DSG1: variants seen among roughly 807,000 people sequenced by gnomAD.
DSG1 encodes the protein desmoglein-1.
A neutral mutation model predicts 97.5 loss-of-function variants in DSG1; 39 were observed. That is an observed-to-expected ratio of 0.40 (90% CI 0.31 to 0.52). The LOEUF (loss-of-function observed/expected upper bound fraction) is 0.52, where lower values mean the gene tolerates loss of function less well. Ranked by LOEUF, DSG1 falls within the 20% of genes least tolerant of loss-of-function variation. DSG1 has a pLI of 0.53. For synonymous variants in DSG1, 475 were observed against 443.4 expected, an observed-to-expected ratio of 1.07 and a Z score of -0.90; for missense variants, 1,311 against 1,295.4, an observed-to-expected ratio of 1.01 and a Z score of -0.18.
chr18:31,342,205 T>C (rs2144105270), intron 11 of DSG1, among the ~76,000 whole-genome samples: 1 of 152,314 alleles, frequency 6.6e-6, no homozygotes, highest in East Asian at 1.9e-4. Context: ...GTGCTGGAAT[T>C]ACAGGCGTGA....
At position 31,336,334 on chromosome 18, in the gene DSG1, T is replaced by A; in HGVS notation, c.1006-20T>A. On this transcript the variant is annotated intron_variant, in intron 8 of 14. Coordinates refer to ENST00000257192, the MANE Select transcript of DSG1 (RefSeq NM_001942.4). ...GTTTTATTTTCTTATAATGAAACTA[T>A]TTTACTCTGTATTTTCTAGCCCTTA... is the stretch of plus-strand genomic sequence containing the variant. The A allele has an allele frequency of 6.2e-7, 1 of 1,608,980 alleles. No individual in the cohort carries two copies. Among genetic ancestry groups the A allele is most frequent in the Non-Finnish European group, 8.5e-7 (1 of 1,177,084 alleles).
intron 11 of DSG1, 26 bp downstream of exon 11, chr18:31,340,051 T>C: frequency 1.2e-6 from 2 of 1,608,544 alleles, no homozygotes; most frequent in Non-Finnish European, 1.7e-6. Context: ...ATCCTATGTA[T>C]ATGTGTCCCC....
Position 31,329,892 on chromosome 18 carries a change from A to G in DSG1, c.373A>G (p.Ile125Val). Residue 125 changes from isoleucine (I) to valine (V), a missense_variant and splice_region_variant, in exon 5 of 15, where the codon ATC (isoleucine) becomes GTC (valine). This residue lies in a region of DSG1 where 259 missense variants were observed against 304.1 expected (regional missense o/e 0.85). Transcript: ENST00000257192. The stretch of plus-strand genomic sequence containing the variant: ...TAATTATTTATCTTTTCTCTCCCAG[A>G]TCTACTGCCGAGCTCTGAACTCAAT... ...VDREVTPFFI[I>V]YCRALNSMGQ... is the part of the protein sequence containing the mutation. 1 of 1,613,038 alleles carries G rather than the reference A, an allele frequency of 6.2e-7. No homozygotes were observed.
chr18:31,353,041 G>C (rs1161013435), intron 14 of DSG1, among the ~76,000 whole-genome samples: 194 of 144,294 alleles, frequency 1.3e-3, no homozygotes, highest in Admixed American at 1.8e-3. Flanking sequence ...AGGAGGAGAG[G>C]TGCTCTGCTT....
intron 14 of DSG1, among the ~76,000 whole-genome samples, 191 bp downstream of exon 14, chr18:31,346,389 C>T (rs1356787567): frequency 6.6e-6 from 1 of 152,176 alleles, no homozygotes; most frequent in Non-Finnish European, 1.5e-5. Context: ...ACTTTACTCC[C>T]CAACGTAAGA....
intron 14 of DSG1, among the ~76,000 whole-genome samples, chr18:31,348,558 T>C (rs1403989461): frequency 6.6e-6 from 1 of 150,608 alleles, no homozygotes; most frequent in Non-Finnish European, 1.5e-5. Flanking sequence ...ACTTCCACCA[T>C]GGTTGAACTA....
intron 11 of DSG1, among the ~76,000 whole-genome samples, chr18:31,341,328 C>T (rs1222150970): frequency 1.3e-5 from 2 of 152,178 alleles, no homozygotes; most frequent in Non-Finnish European, 2.9e-5. Context: ...GAAGTCAGAG[C>T]GCTTATGTAT....
chr18:31,319,702 G>A (rs2071641556), intron 1 of DSG1, among the ~76,000 whole-genome samples: 1 of 152,150 alleles, frequency 6.6e-6, no homozygotes. Flanking sequence ...TAGTTGATCA[G>A]CTTGTTCAGA....
Position 31,354,507 on chromosome 18 carries a change from C to A in DSG1, c.2311C>A (p.Leu771Ile). 2 of 1,614,184 alleles carry A rather than the reference C, an allele frequency of 1.2e-6. No individual in the cohort carries two copies. The highest frequency in any genetic ancestry group is 1.7e-6 in the Non-Finnish European group (2 of 1,180,030). Residue 771 changes from leucine (L) to isoleucine (I), a missense_variant, in exon 15 of 15, where the codon CTT (leucine) becomes ATT (isoleucine). Leu to Ile is a conservative substitution (Grantham distance 5). Coordinates refer to ENST00000257192, the MANE Select transcript of DSG1 (RefSeq NM_001942.4). ...CCTAGGAAAAGAATCATATCCAGACCTTGATCCTTCTTGGCCACCACAAAG... is the reference window on the plus strand; with the variant it reads ...CCTAGGAAAAGAATCATATCCAGACATTGATCCTTCTTGGCCACCACAAAG... ...ISLGKESYPD[L>I]DPSWPPQSTE...
chr18:31,325,446 C>T (rs905820117), intron 1 of DSG1, among the ~76,000 whole-genome samples: 3 of 152,212 alleles, frequency 2.0e-5, no homozygotes, highest in Non-Finnish European at 4.4e-5. Context: ...CCATCCCACA[C>T]TCACAAACAA....
intron 14 of DSG1, chr18:31,347,851 C>T (rs1311288935): frequency 6.6e-6 from 1 of 151,992 alleles, no homozygotes; most frequent in Admixed American, 6.5e-5. Flanking sequence ...CCTGAGTGAA[C>T]CCAACTCAAC....
intron 1 of DSG1, among the ~76,000 whole-genome samples, chr18:31,318,723 T>C (rs2071635410): frequency 2.6e-5 from 3 of 113,868 alleles, no homozygotes; most frequent in Admixed American, 1.6e-4. Context: ...TTTAACCTGT[T>C]TTTTTTTTTA....
rs536053799 is a variant in DSG1, at chr18:31,349,460, G to A, written c.2100+3262G>A. ...ACGTGGCGATGCGGGCTCCTTTTTT[G>A]GTTCCATATGAACTTTAAAGTAGTT... On this transcript the variant is annotated intron_variant, in intron 14 of 14. Coordinates refer to ENST00000257192, the MANE Select transcript of DSG1 (RefSeq NM_001942.4). 2.6e-5 allele frequency among the ~76,000 whole-genome samples: 4 copies of A among 151,028 alleles called. No homozygotes were observed. The East Asian group carries it at 7.8e-4, about 29-fold the overall frequency.
In DSG1 at chr18:31,354,557, G is replaced by A. The variant is rs2071935036; in HGVS notation, c.2361G>A (p.Gln787=). 1 of 1,614,138 alleles carries A rather than the reference G, an allele frequency of 6.2e-7. No individual in the cohort carries two copies. The highest frequency in any genetic ancestry group is 8.5e-7 in the Non-Finnish European group (1 of 1,180,024). Residue 787 remains glutamine, a synonymous_variant, in exon 15 of 15, where the codon CAG becomes CAA. Transcript: ENST00000257192. ...PQSTEPVCLP[Q]ETEPVVSGHP... ...GCACTGAACCAGTTTGCCTTCCTCA[G>A]GAAACAGAGCCCGTTGTTAGTGGAC...
Position 31,352,586 on chromosome 18 carries a change from C to T in DSG1, c.2101-1711C>T, listed in dbSNP as rs559084574. Among the ~76,000 whole-genome samples the T allele has an allele frequency of 1.8e-3, 262 of 144,590 alleles. 28 individuals carry two copies. The highest frequency in any genetic ancestry group is 6.7e-3 in the African/African-American group (245 of 36,806). The allele number at this position is 144,590 out of a possible 152,430, so 94.9% of individuals were successfully genotyped here. ...GTGTTTTCCAACTTGGTTCCATTCT[C>T]CCCATCACTTTTAGGTACACCAATC... is the stretch of plus-strand genomic sequence containing the variant. On this transcript the variant is annotated intron_variant, in intron 14 of 14. Transcript: ENST00000257192.
chr18:31,333,938 T>A, intron 7 of DSG1, 79 bp from the exon 8 acceptor site: 1 of 1,187,558 alleles, frequency 8.4e-7, no homozygotes, highest in Non-Finnish European at 1.2e-6. Flanking sequence ...AATGAAGTTA[T>A]CAACATTCCA....
chr18:31,353,410 C>T (rs1223722119), intron 14 of DSG1, among the ~76,000 whole-genome samples: 3 of 150,662 alleles, frequency 2.0e-5, no homozygotes, highest in Non-Finnish European at 4.5e-5. Context: ...GCAGAGGTTA[C>T]TGCTGTCTTT....
At chr18:31,349,203 C>T (rs1462344173) in intron 14 of DSG1, among the ~76,000 whole-genome samples, 11 of 138,858 alleles carry the variant, frequency 7.9e-5, no homozygotes, top group Admixed American at 1.5e-4. Context: ...GTTTTCCCAG[C>T]ACCATTTATT....
At chr18:31,347,854 A>G (rs965152707) in intron 14 of DSG1, 4 of 152,030 alleles carry the variant, frequency 2.6e-5, no homozygotes, top group Non-Finnish European at 1.5e-5. Flanking sequence ...GAGTGAACCC[A>G]ACTCAACTAT....
Sources: allele counts gnomAD v4.1 joint callset (sites outside exome capture counted in the v4.1 genomes callset), GRCh38; gene constraint gnomAD v4.1.1; regional missense constraint gnomAD v4.1.1; transcripts MANE v1.5; gene names NCBI Gene and HGNC (gene_info 2026-07-23, HGNC 2026-07-21).